The following AKAP9 variants were observed in gnomAD, a reference collection of about 807,000 sequenced individuals.
AKAP9 encodes the protein A-kinase anchoring protein 9.
AKAP9 carries 311 observed loss-of-function variants against 488.5 expected under a neutral mutation model. The ratio of observed to expected loss-of-function variants is 0.64; its 90% CI spans 0.58 to 0.70. The LOEUF (loss-of-function observed/expected upper bound fraction) is 0.70. Among genes scored for constraint, AKAP9 ranks in the 30% least tolerant of loss-of-function variants. AKAP9 has a pLI of 0.00. For missense variants in AKAP9, 4,215 were observed against 4,374.5 expected (o/e 0.96, Z 1.03); for synonymous variants, 1,462 against 1,483.5 (o/e 0.99, Z 0.33).
At chr7:92,007,624 C>A (rs533324433) in intron 8 of AKAP9, among the ~76,000 whole-genome samples, 2 of 152,246 alleles carry the variant, frequency 1.3e-5, no homozygotes, top group East Asian at 3.9e-4. Context: ...ATCGTAAAAA[C>A]CCAGGTTATC....
intron 24 of AKAP9, chr7:92,063,502 T>C: frequency 1.0e-6 from 1 of 983,448 alleles, no homozygotes; most frequent in Non-Finnish European, 1.2e-6. Context: ...CAGGAGCAGG[T>C]GTGTGTATAC....
At chr7:91,970,929 G>A (rs1476969200) in intron 1 of AKAP9, among the ~76,000 whole-genome samples, 1 of 151,980 alleles carries the variant, frequency 6.6e-6, no homozygotes, top group Non-Finnish European at 1.5e-5. Flanking sequence ...TCTTGAATAA[G>A]ATTTCTACCC....
At chr7:91,990,408 A>G (rs540103454) in intron 3 of AKAP9, among the ~76,000 whole-genome samples, 1 of 152,228 alleles carries the variant, frequency 6.6e-6, no homozygotes, top group African/African-American at 2.4e-5. Context: ...TTTGGAATAT[A>G]GTGTGTTTTA....
At chr7:92,017,574 T>C (rs1285964957) in intron 12 of AKAP9, among the ~76,000 whole-genome samples, 1 of 152,126 alleles carries the variant, frequency 6.6e-6, no homozygotes, top group East Asian at 1.9e-4. Context: ...TTAACTCTTA[T>C]CAGTAAAACA....
intron 8 of AKAP9, among the ~76,000 whole-genome samples, chr7:92,005,807 A>C (rs1475037903): frequency 1.5e-5 from 2 of 131,528 alleles, no homozygotes; most frequent in African/African-American, 5.9e-5. Context: ...CTGGGATTAC[A>C]GGCATGCACC....
Position 91,946,917 on chromosome 7 carries a change from ATATC to A in AKAP9, c.48+5774_48+5777del, listed in dbSNP as rs1344700074. ...GTAAAAGCTAAACTATGTCTACAAA[ATATC>A]TATTATAGGCTACTGAATATTGAAA... On this transcript the variant is annotated intron_variant, in intron 1 of 49. Coordinates refer to ENST00000356239, the MANE Select transcript of AKAP9 (RefSeq NM_005751.5). Among the ~76,000 whole-genome samples the A allele has an allele frequency of 2.6e-5, 4 of 152,320 alleles. No homozygotes were observed. In the East Asian group the frequency reaches 7.7e-4, roughly 29 times the overall value.
At chr7:92,043,323 A>G (rs1214514095) in intron 20 of AKAP9, 1 of 985,004 alleles carries the variant, frequency 1.0e-6, no homozygotes, top group East Asian at 1.1e-4. Flanking sequence ...TGGCTTCCCC[A>G]TTGGATCATC....
Position 92,002,463 on chromosome 7 carries a change from CT to C in AKAP9, c.2551del (p.Ser851HisfsTer24), listed in dbSNP as rs1799291567. The C allele has an allele frequency of 6.2e-7, 1 of 1,610,600 alleles. No individual in the cohort carries two copies. The highest frequency in any genetic ancestry group is 8.5e-7 in the Non-Finnish European group (1 of 1,179,034). Reference sequence around the variant, plus strand: ...GAAGAGATTGAAAAGCAAAGGAACACTTTTTCATTTGCTGAAAAAAACTTTG... The same window carrying C: ...GAAGAGATTGAAAAGCAAAGGAACACTTTTCATTTGCTGAAAAAAACTTTG... ...LNEEIEKQRN[T>X]FSFAEKNFEV... On this transcript the variant is annotated frameshift_variant, in exon 8 of 50. Coordinates refer to ENST00000356239, the MANE Select transcript of AKAP9 (RefSeq NM_005751.5). LOFTEE classifies it high-confidence loss of function.
In AKAP9 at chr7:92,002,645, GT is replaced by G. The variant is rs1488469026; in HGVS notation, c.2729del (p.Val910GlyfsTer3). On this transcript the variant is annotated frameshift_variant, in exon 8 of 50. Coordinates refer to ENST00000356239, the MANE Select transcript of AKAP9 (RefSeq NM_005751.5). LOFTEE classifies it high-confidence loss of function. The part of the protein sequence containing the change: ...LHLQRINPTT[V>X]KMKSSVFDED... ...TTTGCAAAGAATAAATCCAACTACA[GT>G]GAAAATGAAAAGTTCTGTCTTTGAT... 6.2e-7 allele frequency: 1 copy of G among 1,613,012 alleles called. No individual in the cohort carries two copies. The highest frequency in any genetic ancestry group is 8.5e-7 in the Non-Finnish European group (1 of 1,179,554).
intron 22 of AKAP9, among the ~76,000 whole-genome samples, chr7:92,056,605 A>G (rs997381194): frequency 5.3e-5 from 8 of 151,596 alleles, no homozygotes; most frequent in Admixed American, 2.0e-4. Context: ...AATAAACAAA[A>G]AATTTTTATT....
rs370421336 is a variant in AKAP9, at chr7:91,969,170, A to G, written c.49-4541A>G. 1.8e-4 allele frequency among the ~76,000 whole-genome samples: 27 copies of G among 152,210 alleles called. No individual in the cohort carries two copies. In the East Asian group the frequency reaches 5.0e-3, roughly 28 times the overall value. On this transcript the variant is annotated intron_variant, in intron 1 of 49. Transcript: ENST00000356239. ...CACTCAAAGTGCTGGGATTACAGAC[A>G]TGAGCCACCATGCCCAGCAGGAACA...
chr7:92,040,481 ATGT>A (rs900834735), intron 17 of AKAP9, among the ~76,000 whole-genome samples, 190 bp from the exon 18 acceptor site: 2 of 152,092 alleles, frequency 1.3e-5, no homozygotes, highest in Non-Finnish European at 2.9e-5. Flanking sequence ...AAGTAGCTTT[ATGT>A]TGTTTTAGAG....
At chr7:92,080,805 C>T (rs952918996) in intron 31 of AKAP9, among the ~76,000 whole-genome samples, 1 of 152,094 alleles carries the variant, frequency 6.6e-6, no homozygotes, top group Non-Finnish European at 1.5e-5. Flanking sequence ...AGGTGTTTGC[C>T]TTATTTGGAC....
At chr7:91,948,730 G>A (rs1468950966) in intron 1 of AKAP9, among the ~76,000 whole-genome samples, 2 of 150,930 alleles carry the variant, frequency 1.3e-5, no homozygotes, top group South Asian at 2.1e-4. Context: ...TCCTGCCTCA[G>A]CCTCCCTAGT....
At chr7:91,983,613 T>C (rs533892417) in intron 3 of AKAP9, among the ~76,000 whole-genome samples, 16 of 152,326 alleles carry the variant, frequency 1.1e-4, no homozygotes, top group Middle Eastern at 3.4e-3. Context: ...TCTAGATCCT[T>C]GAGGAATTGC....
At chr7:92,026,632 G>A (rs991612505) in intron 14 of AKAP9, among the ~76,000 whole-genome samples, 4 of 152,224 alleles carry the variant, frequency 2.6e-5, no homozygotes, top group Non-Finnish European at 4.4e-5. Flanking sequence ...CGCTCACTCA[G>A]TGCTCAATGT....
At chr7:92,088,474 T>C (rs1424392610) in intron 37 of AKAP9, among the ~76,000 whole-genome samples, 1 of 152,140 alleles carries the variant, frequency 6.6e-6, no homozygotes, top group Non-Finnish European at 1.5e-5. Context: ...ATGGACAAAA[T>C]GTGGTACATC....
rs886062480 is a variant in AKAP9 at position 92,110,238 on chromosome 7, T to C, written c.*79T>C. The stretch of plus-strand genomic sequence containing the variant: ...TCAATGGTTCTTTTGTGCTTTTGTA[T>C]TGTGAATATTCAATGGGACCAATAT... On this transcript the variant is annotated 3_prime_UTR_variant, in exon 50 of 50. Transcript: ENST00000356239. 37 of 1,160,264 alleles carry C rather than the reference T, an allele frequency of 3.2e-5. No individual in the cohort carries two copies. Among genetic ancestry groups the C allele is most frequent in the Non-Finnish European group, 3.8e-5 (30 of 788,906 alleles). The allele number at this position is 1,160,264 out of a possible 1,614,324, so 71.9% of individuals were successfully genotyped here.
intron 8 of AKAP9, among the ~76,000 whole-genome samples, chr7:92,004,918 G>C (rs186562208): frequency 6.6e-6 from 1 of 152,080 alleles, no homozygotes; most frequent in African/African-American, 2.4e-5. Context: ...GAATGCTTCC[G>C]GTTTTTGTCC....
Sources: allele counts gnomAD v4.1 joint callset (sites outside exome capture counted in the v4.1 genomes callset), GRCh38; gene constraint gnomAD v4.1.1; transcripts MANE v1.5; gene names NCBI Gene and HGNC (gene_info 2026-07-23, HGNC 2026-07-21).